ZNF106: variants seen among roughly 807,000 people sequenced by gnomAD.
The protein encoded by ZNF106 is SH3-domain binding protein 3.
A neutral mutation model predicts 195.1 loss-of-function variants in ZNF106; 67 were observed. The ratio of observed to expected loss-of-function variants is 0.34; its 90% CI spans 0.28 to 0.42. The LOEUF (loss-of-function observed/expected upper bound fraction) is 0.42. ZNF106 is among the 10% of genes least tolerant of loss of function. The probability of loss-of-function intolerance (pLI) is 1.00; values close to 1 mark genes in which losing one functional copy is unlikely to be tolerated. For synonymous variants in ZNF106, 784 were observed against 818.6 expected, an observed-to-expected ratio of 0.96 and a Z score of 0.72; for missense variants, 2,118 against 2,304.5, an observed-to-expected ratio of 0.92 and a Z score of 1.66.
In ZNF106 at chr15:42,414,683, ACT is replaced by A. The variant is rs1232376331; in HGVS notation, c.*2619_*2620del. 2 of 152,026 alleles carry A rather than the reference ACT, an allele frequency of 1.3e-5. No individual in the cohort carries two copies. Among genetic ancestry groups the A allele is most frequent in the African/African-American group, 4.8e-5 (2 of 41,374 alleles). 9.4% of individuals were successfully genotyped at this position (152,026 alleles called of 1,614,324 possible). A position where few individuals can be genotyped will look rare whatever the true frequency, so the allele number is the denominator to read the frequency against. On this transcript the variant is annotated 3_prime_UTR_variant, in exon 22 of 22. Transcript: ENST00000564754. ...TTTCCTGCTGCACAAAGTCTCCTTC[ACT>A]CTCATCTTTTCGATACATCGTCAGG...
intron 20 of ZNF106, among the ~76,000 whole-genome samples, chr15:42,418,926 G>A (rs1205099789): frequency 6.6e-6 from 1 of 151,668 alleles, no homozygotes; most frequent in South Asian, 2.1e-4. Flanking sequence ...ATAAGCTAGT[G>A]TCTTATGCTT....
intron 2 of ZNF106, among the ~76,000 whole-genome samples, chr15:42,467,132 AAAAAAAG>A (rs941343428): frequency 2.1e-4 from 32 of 152,282 alleles, no homozygotes; most frequent in African/African-American, 7.7e-4. Context: ...ACTCCGTCTC[AAAAAAAG>A]AAAAAAGAAA....
intron 4 of ZNF106, among the ~76,000 whole-genome samples, chr15:42,455,583 A>G (rs535760478): frequency 2.0e-5 from 3 of 152,286 alleles, no homozygotes; most frequent in African/African-American, 7.2e-5. Flanking sequence ...TTGTTATTAC[A>G]TAGATAAGGG....
chr15:42,483,890 C>T (rs2056956643), intron 1 of ZNF106, among the ~76,000 whole-genome samples: 1 of 152,142 alleles, frequency 6.6e-6, no homozygotes, highest in Non-Finnish European at 1.5e-5. Flanking sequence ...GTCCAAATGT[C>T]AGTTGCCTAG....
chr15:42,421,766 C>CT (rs1361057873), intron 19 of ZNF106, 151 bp downstream of exon 19: 1 of 517,934 alleles, frequency 1.9e-6, no homozygotes, highest in Non-Finnish European at 3.3e-6. Context: ...ATATTCAACA[C>CT]TGTCCCCTGG....
In ZNF106 at chr15:42,450,655, C is replaced by G. The variant is rs1294310721; in HGVS notation, c.1617G>C (p.Gly539=). Residue 539 remains glycine (G), a synonymous_variant, in exon 5 of 22, where the codon GGG becomes GGC. Transcript: ENST00000564754. ...LRSSCPHVLK[G]NKSTFGSQKQ... ...TTTGAGAGCCAAATGTACTTTTATT[C>G]CCTTTTAAAACATGAGGACATGAAC... The G allele has an allele frequency of 9.9e-6, 16 of 1,613,936 alleles. No homozygotes were observed. Among genetic ancestry groups the G allele is most frequent in the Non-Finnish European group, 1.3e-5 (15 of 1,180,020 alleles).
In ZNF106 at chr15:42,416,701, C is replaced by T. The variant is rs988611324; in HGVS notation, c.*603G>A. The T allele has an allele frequency of 2.6e-5, 4 of 152,270 alleles. No homozygotes were observed. The highest frequency in any genetic ancestry group is 7.2e-5 in the African/African-American group (3 of 41,464). 9.4% of individuals were successfully genotyped at this position (152,270 alleles called of 1,614,324 possible). A position where few individuals can be genotyped will look rare whatever the true frequency, so the allele number is the denominator to read the frequency against. ...TAAAAGATAGTCAGCAGAGCAGCCA[C>T]TGTTTGTCAAAAATCTACTGTGTCC... On this transcript the variant is annotated 3_prime_UTR_variant, in exon 22 of 22. Coordinates refer to ENST00000564754, the MANE Select transcript of ZNF106 (RefSeq NM_001366845.3).
chr15:42,476,657 A>G (rs1486330171), intron 1 of ZNF106, among the ~76,000 whole-genome samples: 1 of 152,060 alleles, frequency 6.6e-6, no homozygotes, highest in Non-Finnish European at 1.5e-5. Flanking sequence ...ATATATATAT[A>G]TATTCATAAA....
chr15:42,472,174 T>C (rs2056685641), intron 2 of ZNF106, 62 bp downstream of exon 2: 1 of 1,444,556 alleles, frequency 6.9e-7, no homozygotes, highest in Non-Finnish European at 9.3e-7. Context: ...TAACATCTAT[T>C]AATAACATGT....
At position 42,417,815 on chromosome 15, in the gene ZNF106, C is replaced by A; in HGVS notation, c.5654G>T (p.Gly1885Val). The A allele has an allele frequency of 1.2e-6, 2 of 1,613,424 alleles. No homozygotes were observed. Among genetic ancestry groups the A allele is most frequent in the Non-Finnish European group, 1.7e-6 (2 of 1,179,668 alleles). ...GTCCCACTAATGTACCTGTTTGGAT[C>A]CTTTCCTAGCAGTGAAAAAAGCATC... is the stretch of plus-strand genomic sequence containing the variant. ...NCDAFFTARK[G>V]SKQDAAGHIE... Residue 1885 changes from glycine to valine, a missense_variant, in exon 21 of 22, where the codon GGA becomes GTA. Transcript: ENST00000564754.
intron 1 of ZNF106, among the ~76,000 whole-genome samples, chr15:42,476,709 A>G (rs2056791276): frequency 6.6e-6 from 1 of 152,092 alleles, no homozygotes. Context: ...CTTCACACTG[A>G]GTACACCGAG....
chr15:42,480,934 G>C lies in ZNF106; in HGVS notation c.-32-8613C>G, dbSNP rs2056885844. Among the ~76,000 whole-genome samples, 2 of 152,156 alleles carry C rather than the reference G, an allele frequency of 1.3e-5. 1 individual carries two copies. The highest frequency in any genetic ancestry group is 1.3e-4 in the Admixed American group (2 of 15,276). ...CAGGAGGCAGAGGTTGCAGTGAACAGAGATAGCGCCACTGCACTCCAGCCT... is the reference window on the plus strand; with the variant it reads ...CAGGAGGCAGAGGTTGCAGTGAACACAGATAGCGCCACTGCACTCCAGCCT... On this transcript the variant is annotated intron_variant, in intron 1 of 21. Transcript: ENST00000564754.
At chr15:42,487,300 A>G (rs188317336) in intron 1 of ZNF106, among the ~76,000 whole-genome samples, 10 of 152,056 alleles carry the variant, frequency 6.6e-5, no homozygotes, top group African/African-American at 2.4e-4. Context: ...TGGGTGACAC[A>G]GTGAGACCTC....
chr15:42,480,610 T>C (rs1156879041), intron 1 of ZNF106, among the ~76,000 whole-genome samples: 1 of 152,232 alleles, frequency 6.6e-6, no homozygotes, highest in African/African-American at 2.4e-5. Context: ...AACACTTCTT[T>C]GCATGATTAT....
chr15:42,442,424 G>A lies in ZNF106; in HGVS notation c.3422-10C>T, dbSNP rs1409252038. 1.3e-6 allele frequency: 2 copies of A among 1,596,336 alleles called. No individual in the cohort carries two copies. The highest frequency in any genetic ancestry group is 3.4e-5 in the Admixed American group (2 of 58,068). Reference sequence around the variant, plus strand: ...GAAGGTTCATATGTTTCTAGAATGGGAAACATACATACATAGAAATGCAAA... The same window carrying A: ...GAAGGTTCATATGTTTCTAGAATGGAAAACATACATACATAGAAATGCAAA... On this transcript the variant is annotated splice_polypyrimidine_tract_variant and intron_variant, in intron 9 of 21. Coordinates refer to ENST00000564754, the MANE Select transcript of ZNF106 (RefSeq NM_001366845.3).
chr15:42,461,454 T>C (rs1391718531), intron 3 of ZNF106, among the ~76,000 whole-genome samples: 2 of 152,246 alleles, frequency 1.3e-5, no homozygotes, highest in Non-Finnish European at 2.9e-5. Context: ...AGTCTTAAGA[T>C]ACTCTCTCCA....
chr15:42,474,445 A>G (rs1380063125), intron 1 of ZNF106, among the ~76,000 whole-genome samples: 1 of 152,210 alleles, frequency 6.6e-6, no homozygotes, highest in Non-Finnish European at 1.5e-5. Context: ...ATGTGAGTTT[A>G]GTAACTGAGC....
At position 42,456,969 on chromosome 15, in the gene ZNF106, T is replaced by C. The variant is rs770727340; in HGVS notation, c.306A>G (p.Lys102=). 3.4e-5 allele frequency: 55 copies of C among 1,612,540 alleles called. No individual in the cohort carries two copies. The highest frequency in any genetic ancestry group is 4.5e-5 in the Non-Finnish European group (53 of 1,179,298). The change falls in exon 4 of 22, where the codon AAA becomes AAG. Residue 102 remains lysine, a synonymous_variant. Coordinates refer to ENST00000564754, the MANE Select transcript of ZNF106 (RefSeq NM_001366845.3). ...AATCAATTACTTACCGACTTTGTTC[T>C]TTCCTTTGTTTTATTAACTGAATGA... ...KELIQLIKQR[K]EQSRQDEPSN... is the part of the protein sequence containing the mutation.
In ZNF106 at chr15:42,414,592, T is replaced by TA. The variant is rs1353612648; in HGVS notation, c.*2711dup. ...AAAGCGAAGTCCAAATCAGAGTTCT[T>TA]ACCGATTCTACCACTCTGTAATACT... On this transcript the variant is annotated 3_prime_UTR_variant, in exon 22 of 22. Transcript: ENST00000564754. 2.6e-5 allele frequency: 4 copies of TA among 152,308 alleles called. No individual in the cohort carries two copies. Among genetic ancestry groups the TA allele is most frequent in the African/African-American group, 7.2e-5 (3 of 41,460 alleles). The allele number at this position is 152,308 out of a possible 1,614,324, so 9.4% of individuals were successfully genotyped here. A position where few individuals can be genotyped will look rare whatever the true frequency, so the allele number is the denominator to read the frequency against.
Sources: gnomAD v4.1 joint callset for allele counts (sites outside exome capture counted in the v4.1 genomes callset) on GRCh38, gnomAD v4.1.1 for gene constraint, MANE v1.5 for transcripts, NCBI Gene and HGNC (gene_info 2026-07-23, HGNC 2026-07-21) for gene names.